Variants in CAPN6 observed in about 807,000 individuals in gnomAD.
The protein encoded by CAPN6 is calpain 6, also known as calpain-6.
In CAPN6, 16 loss-of-function variants were observed where a neutral mutation model predicts 46.0. That is an observed-to-expected ratio of 0.35 (90% CI 0.24 to 0.53). The LOEUF is 0.53. CAPN6 is among the 20% of genes least tolerant of loss of function. CAPN6 has a pLI of 0.94. For synonymous variants in CAPN6, 206 were observed against 172.8 expected, an observed-to-expected ratio of 1.19 and a Z score of -1.51; for missense variants, 461 against 498.0, an observed-to-expected ratio of 0.93 and a Z score of 0.71.
chrX:111,265,447 T>G (rs2094991067), intron 1 of CAPN6, among the ~76,000 whole-genome samples: 1 of 112,446 alleles, frequency 8.9e-6, no homozygotes, highest in Admixed American at 9.4e-5. Flanking sequence ...GTGGGGACAC[T>G]GCAAAATACT....
Position 111,246,694 on chromosome X carries a change from G to T in CAPN6, c.1809C>A (p.Ser603Arg), listed in dbSNP as rs147112567. Residue 603 changes from serine to arginine, a missense_variant, in exon 13 of 13, where the codon AGC becomes AGA. Ser to Arg is a moderately radical substitution (Grantham distance 110). Coordinates refer to ENST00000324068, the MANE Select transcript of CAPN6 (RefSeq NM_014289.4). ...ACAGAGACTTCAGATCACGGCAGTC[G>T]CTGGGGTCAGCATCCAGAGTAACCT... ...LGQVTLDADP[S>R]DCRDLKSLYL... is the part of the protein sequence containing the mutation. 5 of 1,210,171 alleles carry T rather than the reference G, an allele frequency of 4.1e-6. No individual in the cohort carries two copies. Among genetic ancestry groups the T allele is most frequent in the Non-Finnish European group, 4.5e-6 (4 of 894,632 alleles).
chrX:111,261,935 C>A (rs2094988206), intron 2 of CAPN6, among the ~76,000 whole-genome samples: 1 of 111,585 alleles, frequency 9.0e-6, no homozygotes, highest in African/African-American at 3.3e-5. Context: ...CCCAATACAC[C>A]TCTCTTAATT....
intron 2 of CAPN6, among the ~76,000 whole-genome samples, chrX:111,255,498 GA>G (rs2094983017): frequency 8.8e-6 from 1 of 113,009 alleles, no homozygotes; most frequent in Non-Finnish European, 1.9e-5. Context: ...ACTAGATGGA[GA>G]AAGCTTCACG....
intron 1 of CAPN6, among the ~76,000 whole-genome samples, 173 bp from the exon 2 acceptor site, chrX:111,264,124 C>T (rs776806265): frequency 2.6e-4 from 29 of 111,725 alleles, no homozygotes; most frequent in Non-Finnish European, 4.3e-4. Flanking sequence ...GTCCACACTC[C>T]GCAACTAATT....
At chrX:111,258,345 G>A (rs2094985436) in intron 2 of CAPN6, among the ~76,000 whole-genome samples, 1 of 111,918 alleles carries the variant, frequency 8.9e-6, no homozygotes, top group Non-Finnish European at 1.9e-5. Flanking sequence ...GAGGGGGTAG[G>A]GGTGTGGACA....
At position 111,270,379 on chromosome X, in the gene CAPN6, T is replaced by A. The variant is rs1026298129; in HGVS notation, c.-24A>T. On this transcript the variant is annotated 5_prime_UTR_variant, in exon 1 of 13. Coordinates refer to ENST00000324068, the MANE Select transcript of CAPN6 (RefSeq NM_014289.4). ...ATTCCCTCTCTACTCACCTGAGTTA[T>A]CCCAGGAGCCCTGCTGCTGCTGCTG... 1.2e-5 allele frequency: 4 copies of A among 347,106 alleles called. No individual in the cohort carries two copies. Among genetic ancestry groups the A allele is most frequent in the Non-Finnish European group, 2.3e-5 (4 of 175,636 alleles). 28.6% of individuals were successfully genotyped at this position (347,106 alleles called of 1,213,427 possible).
At chrX:111,259,697 C>G (rs1244756872) in intron 2 of CAPN6, among the ~76,000 whole-genome samples, 1 of 112,332 alleles carries the variant, frequency 8.9e-6, no homozygotes, top group Non-Finnish European at 1.9e-5. Flanking sequence ...GGAGAGCTGA[C>G]AGATCTTGTG....
rs752726323 is a variant in CAPN6, at chrX:111,251,668, A to G, written c.774T>C (p.Asp258=). The change falls in exon 6 of 13, where the codon GAT becomes GAC. Residue 258 remains aspartate, a synonymous_variant. Transcript: ENST00000324068. ...TCTCTCCAAGACGAATTTTGCGAAT[A>G]TCAGTCATGGTATAGGTATGGCCCT... ...LLKGHTYTMT[D]IRKIRLGERL... is the part of the protein sequence containing the mutation. 8.3e-7 allele frequency: 1 copy of G among 1,210,549 alleles called. No homozygotes were observed. The highest frequency in any genetic ancestry group is 1.1e-6 in the Non-Finnish European group (1 of 894,437).
intron 11 of CAPN6, 79 bp downstream of exon 11, chrX:111,247,792 A>G (rs888393923): frequency 1.6e-5 from 18 of 1,103,437 alleles, no homozygotes; most frequent in Non-Finnish European, 2.2e-5. Flanking sequence ...GGAGAAAATC[A>G]TTTGTGATCA....
At chrX:111,261,853 C>CTCT (rs1261398931) in intron 2 of CAPN6, among the ~76,000 whole-genome samples, 1 of 111,819 alleles carries the variant, frequency 8.9e-6, no homozygotes, top group Non-Finnish European at 1.9e-5. Context: ...TGTCTTCAAC[C>CTCT]TCTTCTTCTT....
In CAPN6 at chrX:111,248,762, T is replaced by C. The variant is rs1370843639; in HGVS notation, c.1291A>G (p.Asn431Asp). The C allele has an allele frequency of 8.3e-7, 1 of 1,210,363 alleles. No individual in the cohort carries two copies. Among genetic ancestry groups the C allele is most frequent in the Admixed American group, 2.2e-5 (1 of 46,070 alleles). ...AGGTGGTGGAGGCGGAATTTGCGGTTCATCTCCACCTGGAAATGAAATAGG... is the reference window on the plus strand; with the variant it reads ...AGGTGGTGGAGGCGGAATTTGCGGTCCATCTCCACCTGGAAATGAAATAGG... The part of the protein sequence containing the change: ...IGFELFKVEM[N>D]RKFRLHHLYI... Residue 431 changes from asparagine (N) to aspartate (D), a missense_variant, in exon 10 of 13, where the codon AAC becomes GAC. By Grantham distance (23) the Asn-to-Asp change is conservative (BLOSUM62 1). Coordinates refer to ENST00000324068, the MANE Select transcript of CAPN6 (RefSeq NM_014289.4).
chrX:111,247,352 CT>C lies in CAPN6; in HGVS notation c.1743+15del. ...AAAGTATGAGCCTTTCTGGCGACCC[CT>C]GTACACACTCTTACCTGTACTATAA... On this transcript the variant is annotated intron_variant, in intron 12 of 12. Transcript: ENST00000324068. 8.4e-7 allele frequency: 1 copy of C among 1,196,570 alleles called. No individual in the cohort carries two copies. Among genetic ancestry groups the C allele is most frequent in the Non-Finnish European group, 1.1e-6 (1 of 887,467 alleles).
chrX:111,254,971 G>C (rs2094982634), intron 2 of CAPN6, among the ~76,000 whole-genome samples: 1 of 111,740 alleles, frequency 8.9e-6, no homozygotes, highest in Non-Finnish European at 1.9e-5. Flanking sequence ...TTCTACATTT[G>C]TGGATGAATA....
chrX:111,248,603 G>A lies in CAPN6; in HGVS notation c.1450C>T (p.Leu484=), dbSNP rs559083969. ...ACAGGCACTTCAGAGAAGATTCTCA[G>A]GAGAAACTCGCTGGTGCGACCATGC... is the stretch of plus-strand genomic sequence containing the variant. ...FQHGRTSEFL[L]RIFSEVPVQL... is the part of the protein sequence containing the mutation. Residue 484 remains leucine (L), a synonymous_variant, in exon 10 of 13, where the codon CTG becomes TTG. Coordinates refer to ENST00000324068, the MANE Select transcript of CAPN6 (RefSeq NM_014289.4). 1.7e-6 allele frequency: 2 copies of A among 1,209,595 alleles called. No homozygotes were observed. The highest frequency in any genetic ancestry group is 3.5e-5 in the South Asian group (2 of 56,810).
chrX:111,253,972 A>G (rs2094981745), intron 3 of CAPN6, among the ~76,000 whole-genome samples: 1 of 112,174 alleles, frequency 8.9e-6, no homozygotes, highest in African/African-American at 3.2e-5. Context: ...ATGCAGAGAT[A>G]CTGAGTCAAT....
intron 2 of CAPN6, among the ~76,000 whole-genome samples, chrX:111,256,509 A>G (rs1369573451): frequency 8.9e-6 from 1 of 112,437 alleles, no homozygotes; most frequent in Non-Finnish European, 1.9e-5. Context: ...TTTTAGATTA[A>G]TAAGGCAAAT....
At chrX:111,269,571 A>G (rs1196930439) in intron 1 of CAPN6, among the ~76,000 whole-genome samples, 1 of 111,854 alleles carries the variant, frequency 8.9e-6, no homozygotes, top group Non-Finnish European at 1.9e-5. Flanking sequence ...AATTGTTTCC[A>G]TTACAATGCA....
At chrX:111,254,126 T>C in intron 3 of CAPN6, 146 bp downstream of exon 3, 1 of 704,068 alleles carries the variant, frequency 1.4e-6, no homozygotes, top group East Asian at 3.3e-5. Context: ...CTTCTTATAA[T>C]GAAATGGAGG....
Position 111,252,949 on chromosome X carries a change from A to T in CAPN6, c.506+59T>A, listed in dbSNP as rs950990032. 4 of 994,785 alleles carry T rather than the reference A, an allele frequency of 4.0e-6. No individual in the cohort carries two copies. The East Asian group carries it at 1.2e-4, about 30-fold the overall frequency. 82.0% of individuals were successfully genotyped at this position (994,785 alleles called of 1,213,427 possible). ...TGGGAGAGAATGAGCTCCCAAAGAT[A>T]AATGTGGCTTTCCTTTCCTCATGTA... On this transcript the variant is annotated intron_variant, in intron 4 of 12. Transcript: ENST00000324068.
Sources: allele counts gnomAD v4.1 joint callset (sites outside exome capture counted in the v4.1 genomes callset), GRCh38; gene constraint gnomAD v4.1.1; transcripts MANE v1.5; gene names NCBI Gene and HGNC (gene_info 2026-07-23, HGNC 2026-07-21).